The following IL23R variants were observed in gnomAD, a reference collection of about 807,000 sequenced individuals.
IL23R encodes interleukin 23 receptor.
IL23R carries 34 observed loss-of-function variants against 56.9 expected under a neutral mutation model. The ratio of observed to expected loss-of-function variants is 0.60; its 90% CI spans 0.45 to 0.80. IL23R has a LOEUF of 0.80. Among genes scored for constraint, IL23R ranks in the 30% least tolerant of loss-of-function variants. The pLI, the probability that IL23R is intolerant of heterozygous loss-of-function variation, is 0.00. For missense variants in IL23R, 635 were observed against 730.0 expected, an observed-to-expected ratio of 0.87 and a Z score of 1.50; for synonymous variants, 230 against 249.2, an observed-to-expected ratio of 0.92 and a Z score of 0.73.
At chr1:67,206,322 T>C (rs189795682) in intron 5 of IL23R, among the ~76,000 whole-genome samples, 57 of 152,146 alleles carry the variant, frequency 3.7e-4, no homozygotes, top group Admixed American at 1.6e-3. Context: ...CTTTCTTTCT[T>C]TTTTTTGAGA....
chr1:67,240,956 G>C (rs996303837), intron 9 of IL23R, among the ~76,000 whole-genome samples: 1 of 152,014 alleles, frequency 6.6e-6, no homozygotes, highest in Non-Finnish European at 1.5e-5. Flanking sequence ...GTCTATGAGT[G>C]GTTGGAGTAT....
At chr1:67,229,065 G>C (rs1650926749) in intron 7 of IL23R, among the ~76,000 whole-genome samples, 1 of 152,146 alleles carries the variant, frequency 6.6e-6, no homozygotes, top group Admixed American at 6.5e-5. Flanking sequence ...TTCTTTGAGG[G>C]ACACCAGCTG....
At chr1:67,205,520 A>G (rs966798883) in intron 5 of IL23R, among the ~76,000 whole-genome samples, 1 of 152,228 alleles carries the variant, frequency 6.6e-6, no homozygotes, top group Non-Finnish European at 1.5e-5. Flanking sequence ...GGAGAAATGG[A>G]AAGTGTTAAT....
intron 4 of IL23R, among the ~76,000 whole-genome samples, chr1:67,198,902 C>T (rs1243816014): frequency 2.6e-5 from 4 of 152,046 alleles, no homozygotes; most frequent in Non-Finnish European, 5.9e-5. Context: ...CCAAGATGGC[C>T]CCACTGCACG....
chr1:67,165,763 T>G (rs960320654), upstream of IL23R, among the ~76,000 whole-genome samples: 2 of 152,206 alleles, frequency 1.3e-5, no homozygotes, highest in African/African-American at 4.8e-5. Flanking sequence ...CTGAAATAGT[T>G]GAACCCATAA....
At chr1:67,253,141 T>C (rs1316658057) in intron 9 of IL23R, among the ~76,000 whole-genome samples, 1 of 152,226 alleles carries the variant, frequency 6.6e-6, no homozygotes, top group East Asian at 1.9e-4. Context: ...TGAATCAGTG[T>C]GAAGGGAAGT....
intron 8 of IL23R, among the ~76,000 whole-genome samples, chr1:67,239,735 T>TTTTC (rs1651731649): frequency 1.3e-5 from 2 of 152,166 alleles, no homozygotes; most frequent in Non-Finnish European, 2.9e-5. Flanking sequence ...GAGCAATAGA[T>TTTTC]TTTGAAGAAT....
At chr1:67,173,059 C>T (rs1057391360) in intron 3 of IL23R, among the ~76,000 whole-genome samples, 3 of 152,028 alleles carry the variant, frequency 2.0e-5, no homozygotes, top group African/African-American at 7.2e-5. Flanking sequence ...TCCTGAGTGT[C>T]CCAATAATAG....
intron 7 of IL23R, among the ~76,000 whole-genome samples, chr1:67,233,438 G>A (rs1483282904): frequency 6.6e-6 from 1 of 152,102 alleles, no homozygotes; most frequent in Non-Finnish European, 1.5e-5. Flanking sequence ...GATGTAGAAA[G>A]AAGAGCTGAG....
chr1:67,160,237 C>T (rs905603784), intron 1 of IL23R, among the ~76,000 whole-genome samples: 1 of 152,134 alleles, frequency 6.6e-6, no homozygotes, highest in Non-Finnish European at 1.5e-5. Flanking sequence ...GAGAAGCTGA[C>T]AATTGTTGAG....
At chr1:67,216,702 C>G (rs1234327232) in intron 6 of IL23R, among the ~76,000 whole-genome samples, 2 of 151,966 alleles carry the variant, frequency 1.3e-5, no homozygotes, top group East Asian at 3.8e-4. Context: ...TTCTTTCAAC[C>G]ATTTAAAAGT....
chr1:67,163,689 C>T (rs1646844440), upstream of IL23R, among the ~76,000 whole-genome samples: 1 of 151,938 alleles, frequency 6.6e-6, no homozygotes, highest in African/African-American at 2.4e-5. Context: ...GGCACCTCCC[C>T]CTGCTCCTCT....
At chr1:67,236,912 T>A in intron 8 of IL23R, 110 bp downstream of exon 8, 1 of 735,528 alleles carries the variant, frequency 1.4e-6, no homozygotes, top group South Asian at 1.5e-5. Context: ...CAATAAGATA[T>A]GCCTTATGTC....
At chr1:67,230,457 G>T (rs540589878) in intron 7 of IL23R, among the ~76,000 whole-genome samples, 1 of 152,248 alleles carries the variant, frequency 6.6e-6, no homozygotes, top group Non-Finnish European at 1.5e-5. Flanking sequence ...ATAGAGTTTT[G>T]CTACACTTTG....
intron 1 of IL23R, among the ~76,000 whole-genome samples, chr1:67,148,000 G>A (rs1476668739): frequency 6.6e-6 from 1 of 152,192 alleles, no homozygotes; most frequent in Non-Finnish European, 1.5e-5. Context: ...TGAGCCATGT[G>A]GTGAGTGTTA....
At chr1:67,148,437 G>A (rs948136598) in intron 1 of IL23R, among the ~76,000 whole-genome samples, 3 of 152,238 alleles carry the variant, frequency 2.0e-5, no homozygotes, top group Non-Finnish European at 4.4e-5. Context: ...TCAGGCGATA[G>A]ATGATTTGAC....
downstream of IL23R, among the ~76,000 whole-genome samples, chr1:67,262,688 C>T (rs1570939022): frequency 6.6e-6 from 1 of 152,184 alleles, no homozygotes; most frequent in East Asian, 1.9e-4. Flanking sequence ...ACCTATTCAT[C>T]TTTCTATCTA....
At chr1:67,214,154 C>T (rs144465167) in intron 6 of IL23R, among the ~76,000 whole-genome samples, 8 of 152,124 alleles carry the variant, frequency 5.3e-5, no homozygotes, top group Non-Finnish European at 8.8e-5. Context: ...GCACTGCAGC[C>T]GGGGCAATAC....
rs1558246466 is a variant in IL23R, at chr1:67,212,969, G to A, written c.798+5914G>A. 2.0e-5 allele frequency among the ~76,000 whole-genome samples: 3 copies of A among 152,064 alleles called. No individual in the cohort carries two copies. In the South Asian group the frequency reaches 6.2e-4, roughly 31 times the overall value. On this transcript the variant is annotated intron_variant, in intron 6 of 10. Transcript: ENST00000347310. ...GCTCACTGCAACCTCTGCTTCCCGG[G>A]TTCAAGCGATTCTCCTGACTCAGCC...
Sources: allele counts gnomAD v4.1 joint callset (sites outside exome capture counted in the v4.1 genomes callset), GRCh38; gene constraint gnomAD v4.1.1; transcripts MANE v1.5; gene names NCBI Gene and HGNC (gene_info 2026-07-23, HGNC 2026-07-21).